THADA: variants seen among roughly 807,000 people sequenced by gnomAD.
THADA encodes the protein tRNA (32-2'-O)-methyltransferase regulator THADA.
Under a neutral mutation model 219.8 loss-of-function variants are expected in THADA, and 213 were observed. That is an observed-to-expected ratio of 0.97 (90% CI 0.87 to 1.09). The LOEUF (loss-of-function observed/expected upper bound fraction) is 1.09, where lower values mean the gene tolerates loss of function less well. Among genes scored for constraint, THADA ranks in the 50% least tolerant of loss-of-function variants. THADA has a pLI of 0.00. For missense variants in THADA, 2,956 were observed against 2,311.3 expected, an observed-to-expected ratio of 1.28 and a Z score of -5.72; for synonymous variants, 1,018 against 828.9, an observed-to-expected ratio of 1.23 and a Z score of -3.92.
intron 31 of THADA, among the ~76,000 whole-genome samples, chr2:43,299,500 A>C (rs1404609540): frequency 6.6e-6 from 1 of 151,136 alleles, no homozygotes; most frequent in East Asian, 2.0e-4. Flanking sequence ...CTCTACTAAA[A>C]AAAATACAAA....
intron 26 of THADA, among the ~76,000 whole-genome samples, chr2:43,433,458 G>A (rs935464686): frequency 1.3e-5 from 2 of 151,950 alleles, no homozygotes; most frequent in African/African-American, 4.8e-5. Flanking sequence ...GAACCTGGGA[G>A]GCAGAGGTTG....
intron 14 of THADA, among the ~76,000 whole-genome samples, chr2:43,569,557 T>A (rs1042233335): frequency 6.6e-6 from 1 of 152,168 alleles, no homozygotes; most frequent in Admixed American, 6.5e-5. Flanking sequence ...CGAAGCTAAT[T>A]TTACCCTTTG....
intron 34 of THADA, among the ~76,000 whole-genome samples, chr2:43,290,318 T>A (rs937871339): frequency 6.6e-6 from 1 of 151,118 alleles, no homozygotes; most frequent in African/African-American, 2.4e-5. Flanking sequence ...GCAAATCATC[T>A]CCATTCCTAT....
chr2:43,359,612 G>A (rs1365147342), intron 29 of THADA, among the ~76,000 whole-genome samples: 2 of 152,154 alleles, frequency 1.3e-5, no homozygotes, highest in Admixed American at 1.3e-4. Context: ...CCTGGGAGGC[G>A]GAGGTTGCAG....
At chr2:43,294,874 C>G (rs1398735247) in intron 31 of THADA, among the ~76,000 whole-genome samples, 1 of 152,126 alleles carries the variant, frequency 6.6e-6, no homozygotes, top group Non-Finnish European at 1.5e-5. Context: ...ATAAAACTGG[C>G]AGGACTAGGG....
At chr2:43,399,010 AGGT>A (rs1233485727) in intron 28 of THADA, among the ~76,000 whole-genome samples, 1 of 152,200 alleles carries the variant, frequency 6.6e-6, no homozygotes, top group Non-Finnish European at 1.5e-5. Flanking sequence ...TTGTAAAGGC[AGGT>A]CATCTAAAGG....
chr2:43,350,282 C>G (rs1029923322), intron 29 of THADA, among the ~76,000 whole-genome samples: 2 of 152,138 alleles, frequency 1.3e-5, no homozygotes, highest in African/African-American at 4.8e-5. Context: ...AGGGAGGAAT[C>G]TAAACTTTCT....
intron 30 of THADA, among the ~76,000 whole-genome samples, chr2:43,340,856 G>A (rs182717156): frequency 6.6e-6 from 1 of 152,288 alleles, no homozygotes; most frequent in East Asian, 1.9e-4. Context: ...TAGGACGAGA[G>A]GGGGTGTGTC....
chr2:43,266,812 A>G (rs1296344731), intron 36 of THADA, among the ~76,000 whole-genome samples: 1 of 152,126 alleles, frequency 6.6e-6, no homozygotes, highest in Non-Finnish European at 1.5e-5. Flanking sequence ...CGCGACACTT[A>G]ACCAGGTTGA....
intron 29 of THADA, among the ~76,000 whole-genome samples, chr2:43,396,671 G>T (rs1323463441): frequency 6.6e-6 from 1 of 151,836 alleles, no homozygotes; most frequent in Non-Finnish European, 1.5e-5. Flanking sequence ...GTGGGGACAG[G>T]GGGGTGCAGG....
intron 29 of THADA, among the ~76,000 whole-genome samples, chr2:43,363,221 T>C (rs531032724): frequency 2.4e-4 from 37 of 152,370 alleles, no homozygotes; most frequent in African/African-American, 8.9e-4. Context: ...ATGTGTTGTA[T>C]ATAATTATAT....
intron 36 of THADA, among the ~76,000 whole-genome samples, chr2:43,258,471 G>A (rs553472688): frequency 1.3e-5 from 2 of 152,264 alleles, no homozygotes; most frequent in South Asian, 2.1e-4. Context: ...GTGGTGAGCC[G>A]AGATCGTGCC....
intron 36 of THADA, among the ~76,000 whole-genome samples, chr2:43,258,023 G>C (rs539854593): frequency 6.6e-6 from 1 of 152,086 alleles, no homozygotes; most frequent in Non-Finnish European, 1.5e-5. Context: ...TGCTTATTAG[G>C]TTTATTACTG....
At chr2:43,386,556 T>C (rs995644785) in intron 29 of THADA, among the ~76,000 whole-genome samples, 11 of 152,164 alleles carry the variant, frequency 7.2e-5, no homozygotes, top group African/African-American at 1.2e-4. Context: ...CATTTACATA[T>C]ATGAGGCATG....
At chr2:43,371,251 A>G (rs943416010) in intron 29 of THADA, among the ~76,000 whole-genome samples, 3 of 152,214 alleles carry the variant, frequency 2.0e-5, no homozygotes, top group Non-Finnish European at 4.4e-5. Flanking sequence ...ATTATCAAAT[A>G]TAATTCTTAA....
At chr2:43,515,180 A>T (rs1280382022) in intron 22 of THADA, among the ~76,000 whole-genome samples, 1 of 35,312 alleles carries the variant, frequency 2.8e-5, no homozygotes, top group Non-Finnish European at 5.2e-5. Flanking sequence ...ATTATATATT[A>T]TATATAATAT....
chr2:43,234,682 CAG>C (rs991368829), intron 36 of THADA, among the ~76,000 whole-genome samples: 2 of 152,148 alleles, frequency 1.3e-5, no homozygotes, highest in African/African-American at 4.8e-5. Flanking sequence ...TTGATTGAGA[CAG>C]AGTCTGTTGC....
intron 26 of THADA, among the ~76,000 whole-genome samples, chr2:43,475,422 T>TAA (rs59689521): frequency 3.5e-4 from 35 of 99,544 alleles, no homozygotes; most frequent in South Asian, 1.3e-3. Context: ...GGCCCTGTCT[T>TAA]AAAAAAAAAA....
chr2:43,583,830 C>T (rs1700720899), intron 7 of THADA, among the ~76,000 whole-genome samples: 1 of 151,948 alleles, frequency 6.6e-6, no homozygotes, highest in East Asian at 1.9e-4. Flanking sequence ...ACTGCTTGCG[C>T]TTAAGAGTTT....
Sources: allele counts gnomAD v4.1 joint callset (sites outside exome capture counted in the v4.1 genomes callset), GRCh38; gene constraint gnomAD v4.1.1; transcripts MANE v1.5; gene names NCBI Gene and HGNC (gene_info 2026-07-23, HGNC 2026-07-21).